MARCHF6: variants seen among roughly 807,000 people sequenced by gnomAD.
MARCHF6 encodes the protein E3 ubiquitin-protein ligase MARCHF6.
Under a neutral mutation model 133.7 loss-of-function variants are expected in MARCHF6, and 31 were observed. The ratio of observed to expected loss-of-function variants is 0.23; its 90% CI spans 0.17 to 0.31. The LOEUF is 0.31. MARCHF6 is among the 10% of genes least tolerant of loss of function. The pLI is 1.00. For missense variants in MARCHF6, 723 were observed against 1,121.6 expected (o/e 0.64, Z 5.08); for synonymous variants, 395 against 402.5 (o/e 0.98, Z 0.22).
At position 10,400,861 on chromosome 5, in the gene MARCHF6, C is replaced by T; in HGVS notation, c.972+19C>T. On this transcript the variant is annotated intron_variant, in intron 11 of 25. Coordinates refer to ENST00000274140, the MANE Select transcript of MARCHF6 (RefSeq NM_005885.4). ...AGAACACGTGAGTATAATACTTTTA[C>T]AAAGTTACTTTCATTCATTACTCCC... 6.4e-7 allele frequency: 1 copy of T among 1,568,350 alleles called. No homozygotes were observed. Among genetic ancestry groups the T allele is most frequent in the South Asian group, 1.1e-5 (1 of 89,986 alleles).
At chr5:10,423,072 G>T (rs1156706710) in intron 22 of MARCHF6, among the ~76,000 whole-genome samples, 1 of 151,936 alleles carries the variant, frequency 6.6e-6, no homozygotes, top group Non-Finnish European at 1.5e-5. Flanking sequence ...GGTTATAAAG[G>T]GTTTTGTGTG....
intron 22 of MARCHF6, among the ~76,000 whole-genome samples, chr5:10,418,116 T>C (rs1739623074): frequency 6.6e-6 from 1 of 152,124 alleles, no homozygotes; most frequent in Non-Finnish European, 1.5e-5. Flanking sequence ...CAGCGGCTTA[T>C]GCCTGCAATC....
intron 1 of MARCHF6, among the ~76,000 whole-genome samples, chr5:10,359,626 A>G (rs1735690049): frequency 2.0e-5 from 3 of 152,310 alleles, no homozygotes; most frequent in South Asian, 4.1e-4. Context: ...AAATCCGCGT[A>G]TAAGTGGACC....
chr5:10,410,579 A>G (rs926292070), intron 18 of MARCHF6, among the ~76,000 whole-genome samples: 3 of 150,020 alleles, frequency 2.0e-5, no homozygotes, highest in Non-Finnish European at 4.4e-5. Context: ...GTTTACCTTT[A>G]TTTAGACCAA....
At chr5:10,398,206 T>G (rs1011524460) in intron 10 of MARCHF6, among the ~76,000 whole-genome samples, 2 of 152,186 alleles carry the variant, frequency 1.3e-5, no homozygotes, top group African/African-American at 4.8e-5. Flanking sequence ...TGAGTAGAGA[T>G]TTCCCAAGGC....
intron 19 of MARCHF6, among the ~76,000 whole-genome samples, chr5:10,412,296 CAGAA>C (rs1739275083): frequency 6.6e-6 from 1 of 152,138 alleles, no homozygotes; most frequent in Non-Finnish European, 1.5e-5. Context: ...GGTCTTTGCT[CAGAA>C]AGAGCTTACA....
intron 4 of MARCHF6, among the ~76,000 whole-genome samples, chr5:10,384,433 A>G (rs1313582912): frequency 6.6e-6 from 1 of 152,206 alleles, no homozygotes; most frequent in African/African-American, 2.4e-5. Context: ...AAAGGCAAAC[A>G]CATCCCAATT....
chr5:10,375,060 A>C (rs1736687764), intron 1 of MARCHF6, among the ~76,000 whole-genome samples: 1 of 152,188 alleles, frequency 6.6e-6, no homozygotes, highest in Non-Finnish European at 1.5e-5. Flanking sequence ...CTTTGGCGGC[A>C]CTTGAGGAGC....
intron 11 of MARCHF6, chr5:10,401,187 C>T (rs149696978): frequency 5.0e-4 from 101 of 201,026 alleles, no homozygotes; most frequent in African/African-American, 2.2e-3. Context: ...AGAAAAGTAA[C>T]AATATATCAA....
At chr5:10,395,221 T>G (rs1171055042) in intron 9 of MARCHF6, among the ~76,000 whole-genome samples, 1 of 152,186 alleles carries the variant, frequency 6.6e-6, no homozygotes, top group African/African-American at 2.4e-5. Flanking sequence ...TGTTGAAGAT[T>G]GTATGTTTAG....
intron 23 of MARCHF6, among the ~76,000 whole-genome samples, chr5:10,425,881 A>G (rs1274306002): frequency 1.3e-5 from 2 of 152,318 alleles, no homozygotes; most frequent in African/African-American, 2.4e-5. Context: ...TATATTCACT[A>G]TAGAATTCTT....
At position 10,357,064 on chromosome 5, in the gene MARCHF6, C is replaced by T. The variant is rs140450887; in HGVS notation, c.19+3147C>T. On this transcript the variant is annotated intron_variant, in intron 1 of 25. Coordinates refer to ENST00000274140, the MANE Select transcript of MARCHF6 (RefSeq NM_005885.4). Reference sequence around the variant, plus strand: ...TATGAGTGCAGATGTGTTATGTCAACTGCTATCCATCCTGACATTTTTAAA... The same window carrying T: ...TATGAGTGCAGATGTGTTATGTCAATTGCTATCCATCCTGACATTTTTAAA... 6.8e-3 allele frequency among the ~76,000 whole-genome samples: 1,041 copies of T among 152,276 alleles called. 13 individuals are homozygous for T. The highest frequency in any genetic ancestry group is 0.024 in the African/African-American group (977 of 41,530).
At chr5:10,367,287 TAATGAC>T (rs373586828) in intron 1 of MARCHF6, among the ~76,000 whole-genome samples, 31 of 152,334 alleles carry the variant, frequency 2.0e-4, no homozygotes, top group Middle Eastern at 3.4e-3. Flanking sequence ...GGATTTGAGT[TAATGAC>T]AATGTATCAA....
intron 19 of MARCHF6, among the ~76,000 whole-genome samples, chr5:10,414,040 T>C (rs529199686): frequency 6.6e-6 from 1 of 152,340 alleles, no homozygotes; most frequent in East Asian, 1.9e-4. Context: ...GGCTACTGCA[T>C]TGAGCAGTGC....
chr5:10,386,306 T>C (rs1383308671), intron 4 of MARCHF6, among the ~76,000 whole-genome samples: 3 of 152,230 alleles, frequency 2.0e-5, no homozygotes, highest in Non-Finnish European at 4.4e-5. Flanking sequence ...AATACACAAA[T>C]ACTGGTTTGA....
chr5:10,424,422 T>C (rs1387585059), intron 23 of MARCHF6, among the ~76,000 whole-genome samples: 1 of 152,224 alleles, frequency 6.6e-6, no homozygotes, highest in Admixed American at 6.5e-5. Flanking sequence ...ACATTTATAT[T>C]CTGCTTCTAG....
intron 3 of MARCHF6, 46 bp downstream of exon 3, chr5:10,378,878 C>T (rs763711851): frequency 1.3e-5 from 17 of 1,310,578 alleles, no homozygotes; most frequent in East Asian, 4.7e-5. Context: ...GGTTATCACT[C>T]GTGGCATAAA....
intron 7 of MARCHF6, 62 bp from the exon 8 acceptor site, chr5:10,394,020 A>G (rs1366882486): frequency 3.9e-6 from 4 of 1,038,666 alleles, no homozygotes; most frequent in East Asian, 5.7e-5. Context: ...AGTGCATTCT[A>G]TTTTTTTTAT....
At chr5:10,419,986 G>A (rs183753056) in intron 22 of MARCHF6, among the ~76,000 whole-genome samples, 4 of 152,314 alleles carry the variant, frequency 2.6e-5, no homozygotes, top group Middle Eastern at 3.4e-3. Context: ...CACAACTAGT[G>A]GAGGGGTCAG....
Sources: gnomAD v4.1 joint callset for allele counts (sites outside exome capture counted in the v4.1 genomes callset) on GRCh38, gnomAD v4.1.1 for gene constraint, MANE v1.5 for transcripts, NCBI Gene and HGNC (gene_info 2026-07-23, HGNC 2026-07-21) for gene names.